WWOX: variants seen among roughly 807,000 people sequenced by gnomAD.
The protein encoded by WWOX is WW domain containing oxidoreductase.
Under a neutral mutation model 46.2 loss-of-function variants are expected in WWOX, and 69 were observed. The observed-to-expected ratio is 1.49, with a 90% CI of 1.23 to 1.82. The LOEUF (loss-of-function observed/expected upper bound fraction) is 1.82. Among genes scored for constraint, WWOX ranks in the 40% most tolerant of loss-of-function variants. WWOX has a pLI of 0.00. For synonymous variants in WWOX, 359 were observed against 202.6 expected (o/e 1.77, Z -6.56); for missense variants, 919 against 542.6 (o/e 1.69, Z -6.89).
chr16:78,976,662 C>T (rs1024696739), intron 8 of WWOX, among the ~76,000 whole-genome samples: 18 of 151,800 alleles, frequency 1.2e-4, no homozygotes, highest in East Asian at 1.9e-4. Flanking sequence ...ATTAATGTGA[C>T]GCTGAAATAA....
intron 8 of WWOX, among the ~76,000 whole-genome samples, chr16:78,684,627 C>T (rs2047813145): frequency 6.6e-6 from 1 of 152,144 alleles, no homozygotes; most frequent in Non-Finnish European, 1.5e-5. Flanking sequence ...CTCCACCGTC[C>T]CTGCTAATGG....
At chr16:78,878,127 C>T (rs1253552119) in intron 8 of WWOX, among the ~76,000 whole-genome samples, 1 of 152,198 alleles carries the variant, frequency 6.6e-6, no homozygotes, top group Non-Finnish European at 1.5e-5. Context: ...CGGAATACAA[C>T]TGCCCTGCCT....
At chr16:78,275,166 A>AG (rs956782710) in intron 5 of WWOX, among the ~76,000 whole-genome samples, 133 of 152,302 alleles carry the variant, frequency 8.7e-4, no homozygotes, top group African/African-American at 3.0e-3. Context: ...TAAAACGTGG[A>AG]GGGGGGTGGT....
rs369476120 is a variant in WWOX, at chr16:78,538,080, G to A, written c.1056+105328G>A. 1.3e-3 allele frequency among the ~76,000 whole-genome samples: 205 copies of A among 152,236 alleles called. 1 individual carries two copies. The highest frequency in any genetic ancestry group is 4.7e-3 in the African/African-American group (197 of 41,540). On this transcript the variant is annotated intron_variant, in intron 8 of 8. Transcript: ENST00000566780. ...CCAGCATGGTATTTTGAGCGGCACA[G>A]AAGGGGGTAATTATTTTATTTGGAA... is the stretch of plus-strand genomic sequence containing the variant.
At chr16:79,094,277 G>A (rs889244281) in intron 8 of WWOX, among the ~76,000 whole-genome samples, 10 of 147,056 alleles carry the variant, frequency 6.8e-5, no homozygotes, top group Non-Finnish European at 1.3e-4. Context: ...TCTTTGATAC[G>A]GGGTCTCGCT....
intron 8 of WWOX, among the ~76,000 whole-genome samples, chr16:78,827,819 C>A (rs550426577): frequency 3.3e-5 from 5 of 152,082 alleles, no homozygotes; most frequent in Non-Finnish European, 5.9e-5. Flanking sequence ...CTAGCCTGGG[C>A]GGCAAGCAAG....
At chr16:78,778,516 C>T (rs1597594732) in intron 8 of WWOX, among the ~76,000 whole-genome samples, 1 of 152,240 alleles carries the variant, frequency 6.6e-6, no homozygotes, top group East Asian at 1.9e-4. Flanking sequence ...AGGACGGGGC[C>T]AAGTCATTTC....
At chr16:78,477,179 G>A (rs946516263) in intron 8 of WWOX, among the ~76,000 whole-genome samples, 2 of 152,138 alleles carry the variant, frequency 1.3e-5, no homozygotes, top group Non-Finnish European at 2.9e-5. Context: ...GAAGCAGCAA[G>A]AGTAGTCACA....
chr16:78,586,071 A>G (rs1025033310), intron 8 of WWOX, among the ~76,000 whole-genome samples: 2 of 152,108 alleles, frequency 1.3e-5, no homozygotes, highest in African/African-American at 2.4e-5. Context: ...GACAAACAAA[A>G]TTAGGCCAGG....
chr16:79,114,751 A>C (rs1459769101), intron 8 of WWOX, among the ~76,000 whole-genome samples: 1 of 152,180 alleles, frequency 6.6e-6, no homozygotes, highest in Non-Finnish European at 1.5e-5. Context: ...AAGGGGAGCT[A>C]AAGATATACC....
chr16:78,445,171 G>C (rs1289867146), intron 8 of WWOX, among the ~76,000 whole-genome samples: 5 of 152,136 alleles, frequency 3.3e-5, no homozygotes, highest in African/African-American at 1.2e-4. Flanking sequence ...CTGTCCTAGA[G>C]TCTGGATTCT....
chr16:78,764,242 G>A (rs1162357873), intron 8 of WWOX, among the ~76,000 whole-genome samples: 1 of 151,936 alleles, frequency 6.6e-6, no homozygotes, highest in African/African-American at 2.4e-5. Context: ...GTTGTTAAAC[G>A]GCTCCGCCTT....
chr16:78,755,601 C>G (rs942846497), intron 8 of WWOX, among the ~76,000 whole-genome samples: 2 of 152,166 alleles, frequency 1.3e-5, no homozygotes, highest in Non-Finnish European at 2.9e-5. Context: ...GTGCCACACA[C>G]CCACTGGGAT....
chr16:79,031,641 C>G (rs2047756368), intron 8 of WWOX, among the ~76,000 whole-genome samples: 2 of 151,080 alleles, frequency 1.3e-5, no homozygotes, highest in Non-Finnish European at 2.9e-5. Flanking sequence ...GGTAAATTTA[C>G]TTAATTTAAA....
chr16:78,925,062 G>C (rs975348326), intron 8 of WWOX, among the ~76,000 whole-genome samples: 1 of 152,168 alleles, frequency 6.6e-6, no homozygotes, highest in Non-Finnish European at 1.5e-5. Context: ...AGGCATGGTG[G>C]TGTGTGCCTG....
intron 5 of WWOX, among the ~76,000 whole-genome samples, chr16:78,308,301 T>C (rs1038161069): frequency 1.3e-5 from 2 of 152,160 alleles, no homozygotes; most frequent in East Asian, 3.8e-4. Flanking sequence ...GATCCCTGCC[T>C]CTGGGCCAAG....
intron 5 of WWOX, among the ~76,000 whole-genome samples, chr16:78,255,920 G>C (rs1402184308): frequency 6.6e-6 from 1 of 152,028 alleles, no homozygotes; most frequent in East Asian, 1.9e-4. Context: ...GAGAGGCTGA[G>C]GTAGGTGGAT....
intron 5 of WWOX, among the ~76,000 whole-genome samples, chr16:78,320,166 C>T (rs1186013455): frequency 2.0e-5 from 3 of 152,162 alleles, no homozygotes; most frequent in Non-Finnish European, 4.4e-5. Flanking sequence ...TATACAGAGT[C>T]TGAGCCGAGA....
At chr16:78,449,598 C>T (rs570241535) in intron 8 of WWOX, among the ~76,000 whole-genome samples, 1 of 152,160 alleles carries the variant, frequency 6.6e-6, no homozygotes, top group African/African-American at 2.4e-5. Context: ...TTTCTGTTTG[C>T]ATCCTTTCGT....
Sources: gnomAD v4.1 joint callset for allele counts (sites outside exome capture counted in the v4.1 genomes callset) on GRCh38, gnomAD v4.1.1 for gene constraint, MANE v1.5 for transcripts, NCBI Gene and HGNC (gene_info 2026-07-23, HGNC 2026-07-21) for gene names.